Variants in CRTAM observed in about 807,000 individuals in gnomAD.
CRTAM encodes cytotoxic and regulatory T-cell molecule.
CRTAM carries 44 observed loss-of-function variants against 50.0 expected under a neutral mutation model. The observed-to-expected ratio is 0.88, with a 90% CI of 0.69 to 1.13. CRTAM has a LOEUF of 1.13. Ranked by LOEUF, CRTAM falls within the 50% of genes most tolerant of loss-of-function variation. The pLI is 0.00. For synonymous variants in CRTAM, 159 were observed against 169.3 expected (o/e 0.94, Z 0.47); for missense variants, 448 against 457.5 (o/e 0.98, Z 0.19).
chr11:122,870,823 A>C (rs1238710086), intron 9 of CRTAM, among the ~76,000 whole-genome samples: 1 of 152,228 alleles, frequency 6.6e-6, no homozygotes, highest in Non-Finnish European at 1.5e-5. Context: ...TTATGCCTAT[A>C]ATCCCAGGAT....
At chr11:122,846,469 G>C (rs900811796) in intron 1 of CRTAM, among the ~76,000 whole-genome samples, 3 of 151,944 alleles carry the variant, frequency 2.0e-5, no homozygotes, top group African/African-American at 7.3e-5. Context: ...CACCACGCCA[G>C]GCTAATTTTG....
intron 9 of CRTAM, among the ~76,000 whole-genome samples, chr11:122,869,316 A>C (rs1052983978): frequency 2.0e-5 from 3 of 152,210 alleles, no homozygotes; most frequent in African/African-American, 4.8e-5. Context: ...ATACTCCTTT[A>C]GGTGGTGAGT....
rs1411252429 is a variant in CRTAM, at chr11:122,862,560, A to G, written c.733+16A>G. The G allele has an allele frequency of 6.8e-6, 10 of 1,462,926 alleles. No homozygotes were observed. Among genetic ancestry groups the G allele is most frequent in the Non-Finnish European group, 9.4e-6 (10 of 1,060,818 alleles). 90.6% of individuals were successfully genotyped at this position (1,462,926 alleles called of 1,614,324 possible). A position where few individuals can be genotyped will look rare whatever the true frequency, so the allele number is the denominator to read the frequency against. ...ACCAGTACTGGTAAGTGTCAAAATC[A>G]TTCAAACTTGTTTTTAAAAAATCAC... On this transcript the variant is annotated intron_variant, in intron 6 of 9. Coordinates refer to ENST00000227348, the MANE Select transcript of CRTAM (RefSeq NM_019604.4).
At chr11:122,838,648 T>C (rs947427865) in intron 1 of CRTAM, 56 bp downstream of exon 1, 2 of 1,529,458 alleles carry the variant, frequency 1.3e-6, no homozygotes, top group East Asian at 4.5e-5. Context: ...TTTTGCCACA[T>C]CTACCTATCA....
chr11:122,864,272 G>A (rs1487804104), intron 6 of CRTAM, among the ~76,000 whole-genome samples: 12 of 152,114 alleles, frequency 7.9e-5, no homozygotes, highest in African/African-American at 2.9e-4. Context: ...TCTAGAGTTA[G>A]GTAAAACAGA....
intron 4 of CRTAM, 44 bp from the exon 5 acceptor site, chr11:122,855,651 C>T: frequency 6.3e-7 from 1 of 1,577,822 alleles, no homozygotes; most frequent in Non-Finnish European, 8.7e-7. Flanking sequence ...CCAACCTCAT[C>T]CAGTAGCATT....
rs1459294098 is a variant in CRTAM, at chr11:122,872,641, A to G, written c.*1242A>G. The G allele has an allele frequency of 6.5e-6, 1 of 152,672 alleles. No homozygotes were observed. The highest frequency in any genetic ancestry group is 1.5e-5 in the Non-Finnish European group (1 of 68,042). 9.5% of individuals were successfully genotyped at this position (152,672 alleles called of 1,614,324 possible). A position where few individuals can be genotyped will look rare whatever the true frequency, so the allele number is the denominator to read the frequency against. On this transcript the variant is annotated 3_prime_UTR_variant, in exon 10 of 10. Transcript: ENST00000227348. Reference sequence around the variant, plus strand: ...CTGAATAAACCAATTACAAAATAACATATGTGCACATTGTAAGTCTGTAAT... The same window carrying G: ...CTGAATAAACCAATTACAAAATAACGTATGTGCACATTGTAAGTCTGTAAT...
intron 7 of CRTAM, among the ~76,000 whole-genome samples, chr11:122,866,374 T>C (rs185547994): frequency 6.6e-6 from 1 of 152,288 alleles, no homozygotes; most frequent in Admixed American, 6.5e-5. Flanking sequence ...CACTATGATA[T>C]AAATACATAT....
At position 122,864,661 on chromosome 11, in the gene CRTAM, A is replaced by G. The variant is rs190953809; in HGVS notation, c.759A>G (p.Thr253=). 9.9e-6 allele frequency: 16 copies of G among 1,613,772 alleles called. No homozygotes were observed. The East Asian group carries it at 1.8e-4, about 18-fold the overall frequency. The change falls in exon 7 of 10, where the codon ACA becomes ACG. Residue 253 remains threonine (T), a synonymous_variant. Transcript: ENST00000227348. ...STVSVTEDSS[T]SEIDKEEKEQ... The stretch of plus-strand genomic sequence containing the variant: ...TCTCAGTAACGGAAGATTCTAGTAC[A>G]TCGGAGATTGACAAGGAAGAGAAAG...
chr11:122,862,941 C>T (rs144894845), intron 6 of CRTAM, among the ~76,000 whole-genome samples: 1 of 152,256 alleles, frequency 6.6e-6, no homozygotes, highest in East Asian at 1.9e-4. Context: ...GACTTGGTAT[C>T]AACAAAGAGA....
chr11:122,858,779 CG>C (rs1372727660), intron 5 of CRTAM, among the ~76,000 whole-genome samples: 2 of 152,112 alleles, frequency 1.3e-5, no homozygotes, highest in African/African-American at 4.8e-5. Context: ...CCTCCCTCAT[CG>C]GCCACCCAAA....
chr11:122,857,495 CTT>C (rs1862022298), intron 5 of CRTAM, among the ~76,000 whole-genome samples: 1 of 152,094 alleles, frequency 6.6e-6, no homozygotes, highest in African/African-American at 2.4e-5. Flanking sequence ...TAGGCTAAGA[CTT>C]AATTTTTATT....
intron 3 of CRTAM, among the ~76,000 whole-genome samples, chr11:122,853,391 T>C (rs1312538911): frequency 1.3e-5 from 2 of 151,142 alleles, no homozygotes; most frequent in Non-Finnish European, 2.9e-5. Flanking sequence ...ATTTTAAGAA[T>C]TGTTGCTACA....
At chr11:122,851,938 G>A in intron 3 of CRTAM, 93 bp downstream of exon 3, 5 of 1,213,794 alleles carry the variant, frequency 4.1e-6, no homozygotes, top group Non-Finnish European at 4.6e-6. Flanking sequence ...TAAAAATGTT[G>A]CCTAGAGCAA....
chr11:122,859,722 G>A (rs1862049106), intron 5 of CRTAM, among the ~76,000 whole-genome samples: 1 of 152,156 alleles, frequency 6.6e-6, no homozygotes, highest in African/African-American at 2.4e-5. Context: ...GTTTCTTAAA[G>A]ATTAGTTGCT....
intron 7 of CRTAM, among the ~76,000 whole-genome samples, chr11:122,866,622 TAA>T (rs1359392230): frequency 7.0e-6 from 1 of 142,432 alleles, no homozygotes; most frequent in East Asian, 2.0e-4. Context: ...TTTTTTTTTT[TAA>T]GAGACAGGTC....
rs187510616 is a variant in CRTAM, at chr11:122,869,721, G to T, written c.1052-1548G>T. ...TTACTGAGGTTTTTGTAGGAGGCTT[G>T]TCTTTTATAACACCTCTGCCTCTTT... is the stretch of plus-strand genomic sequence containing the variant. On this transcript the variant is annotated intron_variant, in intron 9 of 9. Coordinates refer to ENST00000227348, the MANE Select transcript of CRTAM (RefSeq NM_019604.4). 1.3e-4 allele frequency among the ~76,000 whole-genome samples: 20 copies of T among 152,276 alleles called. No homozygotes were observed. In the East Asian group the frequency reaches 3.3e-3, roughly 25 times the overall value.
Position 122,871,545 on chromosome 11 carries a change from C to G in CRTAM, c.*146C>G. 1 of 597,322 alleles carries G rather than the reference C, an allele frequency of 1.7e-6. No homozygotes were observed. Among genetic ancestry groups the G allele is most frequent in the Non-Finnish European group, 2.7e-6 (1 of 367,328 alleles). The allele number at this position is 597,322 out of a possible 1,614,324, so 37.0% of individuals were successfully genotyped here. The stretch of plus-strand genomic sequence containing the variant: ...TGGTGTCCTCGGATAATGATCTGCC[C>G]CGGAGCTAGGGCAGCAACATGAGGA... On this transcript the variant is annotated 3_prime_UTR_variant, in exon 10 of 10. Transcript: ENST00000227348.
rs745424215 is a variant in CRTAM, at chr11:122,853,931, A to G, written c.347-12A>G. The G allele has an allele frequency of 2.5e-6, 4 of 1,612,590 alleles. No homozygotes were observed. Among genetic ancestry groups the G allele is most frequent in the Non-Finnish European group, 3.4e-6 (4 of 1,179,530 alleles). ...ATATCTAATTAACACAGAAAAATCC[A>G]TTTTGTTCTAGCAACTCCTTTCAAG... On this transcript the variant is annotated splice_polypyrimidine_tract_variant and intron_variant, in intron 3 of 9. Transcript: ENST00000227348.
Sources: gnomAD v4.1 joint callset for allele counts (sites outside exome capture counted in the v4.1 genomes callset) on GRCh38, gnomAD v4.1.1 for gene constraint, MANE v1.5 for transcripts, NCBI Gene and HGNC (gene_info 2026-07-23, HGNC 2026-07-21) for gene names.